Variants in SPTBN2 observed in about 807,000 individuals in gnomAD.
The protein encoded by SPTBN2 is spectrin beta chain, non-erythrocytic 2.
A neutral mutation model predicts 284.2 loss-of-function variants in SPTBN2; 107 were observed. The observed-to-expected ratio is 0.38, with a 90% CI of 0.32 to 0.44. The LOEUF (loss-of-function observed/expected upper bound fraction) is 0.44, where lower values mean the gene tolerates loss of function less well. Ranked by LOEUF, SPTBN2 falls within the 20% of genes least tolerant of loss-of-function variation. The pLI, the probability that SPTBN2 is intolerant of heterozygous loss-of-function variation, is 1.00. For synonymous variants in SPTBN2, 1,289 were observed against 1,354.8 expected (o/e 0.95, Z 1.07); for missense variants, 2,569 against 3,287.1 (o/e 0.78, Z 5.34).
At chr11:66,686,219 A>G (rs1940098654) in intron 37 of SPTBN2, 115 bp from the exon 38 acceptor site, 3 of 1,386,408 alleles carry the variant, frequency 2.2e-6, no homozygotes, top group East Asian at 2.3e-5. Flanking sequence ...GTTTCATGCT[A>G]TTAGGAGAAT....
Position 66,707,958 on chromosome 11 carries a change from C to T in SPTBN2, c.1351-140G>A. The T allele has an allele frequency of 1.4e-6, 2 of 1,379,382 alleles. No individual in the cohort carries two copies. Among genetic ancestry groups the T allele is most frequent in the Non-Finnish European group, 2.0e-6 (2 of 1,008,474 alleles). The allele number at this position is 1,379,382 out of a possible 1,614,324, so 85.4% of individuals were successfully genotyped here. A position where few individuals can be genotyped will look rare whatever the true frequency, so the allele number is the denominator to read the frequency against. ...AGTTCCCTCTCTATCCCACCCCCAT[C>T]CTGTCTCACCAACCCTCTCTCCTGT... On this transcript the variant is annotated intron_variant, in intron 12 of 37. Coordinates refer to ENST00000533211, the MANE Select transcript of SPTBN2 (RefSeq NM_006946.4). This position sits in a 1 kb window ranked among gnomAD's most constrained non-coding sequence, Gnocchi z 4.9.
intron 36 of SPTBN2, chr11:66,686,664 C>T: frequency 1.6e-6 from 1 of 641,636 alleles, no homozygotes; most frequent in Non-Finnish European, 2.7e-6. Flanking sequence ...TCCACCCCAG[C>T]CCGGGCCTCC....
At chr11:66,721,005 T>G (rs191816366) in intron 3 of SPTBN2, 79 bp downstream of exon 3, 3 of 1,591,596 alleles carry the variant, frequency 1.9e-6, no homozygotes, top group Non-Finnish European at 2.6e-6. Flanking sequence ...AGTCTTCCCA[T>G]AAAGTTAAAG....
chr11:66,742,581 C>A (rs1942903008), intron 1 of SPTBN2, among the ~76,000 whole-genome samples: 1 of 151,968 alleles, frequency 6.6e-6, no homozygotes, highest in Non-Finnish European at 1.5e-5. Flanking sequence ...CAAGGTGGAG[C>A]ATTTTCTGCT....
Position 66,691,734 on chromosome 11 carries a change from C to A in SPTBN2, c.5191-76G>T. 3 of 1,600,730 alleles carry A rather than the reference C, an allele frequency of 1.9e-6. No individual in the cohort carries two copies. Among genetic ancestry groups the A allele is most frequent in the Non-Finnish European group, 2.6e-6 (3 of 1,176,414 alleles). ...GTCCCTGCCTGATGGAGCGAGTCCT[C>A]CACTCCAAACTCAGAACCCACCTCT... is the stretch of plus-strand genomic sequence containing the variant. On this transcript the variant is annotated intron_variant, in intron 26 of 37. Transcript: ENST00000533211. The surrounding 1 kb of genome is among the most constrained non-coding windows in gnomAD (Gnocchi z 8.0).
At chr11:66,737,681 G>C (rs1281300122) in intron 1 of SPTBN2, among the ~76,000 whole-genome samples, 1 of 152,194 alleles carries the variant, frequency 6.6e-6, no homozygotes, top group African/African-American at 2.4e-5. Flanking sequence ...AACTTGTTAT[G>C]ACTGTTAGAA....
chr11:66,730,287 G>A (rs1942785947), upstream of SPTBN2, among the ~76,000 whole-genome samples: 1 of 151,934 alleles, frequency 6.6e-6, no homozygotes, highest in South Asian at 2.1e-4. Flanking sequence ...GATGGGATGA[G>A]AATCAGCTGC....
Position 66,700,748 on chromosome 11 carries a change from G to A in SPTBN2, c.3351C>T (p.Ala1117=). 6.2e-7 allele frequency: 1 copy of A among 1,602,802 alleles called. No homozygotes were observed. Among genetic ancestry groups the A allele is most frequent in the South Asian group, 1.1e-5 (1 of 91,050 alleles). The part of the protein sequence containing the change: ...HAALRGEVER[A]QSEYSRLRAL... ...CTCGCAGCCGGCTATACTCGCTCTG[G>A]GCCCGCTCCACCTCTCCCCGCAGGG... Residue 1117 remains alanine, a synonymous_variant, in exon 17 of 38, where the codon GCC becomes GCT. Transcript: ENST00000533211. The surrounding 1 kb of genome is among the most constrained non-coding windows in gnomAD (Gnocchi z 6.6).
intron 15 of SPTBN2, among the ~76,000 whole-genome samples, chr11:66,703,972 C>CTTTTTTTTTTTT (rs11286358): frequency 1.8e-5 from 2 of 109,726 alleles, no homozygotes; most frequent in African/African-American, 6.4e-5. Flanking sequence ...TATTTCTTTT[C>CTTTTTTTTTTTT]TTTTTTTTTT....
At chr11:66,713,995 G>T in intron 7 of SPTBN2, 96 bp downstream of exon 7, 1 of 1,290,314 alleles carries the variant, frequency 7.8e-7, no homozygotes, top group Non-Finnish European at 1.1e-6. Context: ...CCGTCTGACT[G>T]CTGTGCAGCT....
At chr11:66,713,975 G>A (rs1217882429) in intron 7 of SPTBN2, 116 bp downstream of exon 7, 1 of 1,129,670 alleles carries the variant, frequency 8.9e-7, no homozygotes, top group Non-Finnish European at 1.3e-6. Flanking sequence ...TGCTCCGAGT[G>A]CTATTCCTTC....
In SPTBN2 at chr11:66,710,297, C is replaced by T. The variant is rs1001992139; in HGVS notation, c.1073+285G>A. 6.6e-6 allele frequency among the ~76,000 whole-genome samples: 1 copy of T among 152,066 alleles called. No individual in the cohort carries two copies. The highest frequency in any genetic ancestry group is 2.1e-4 in the South Asian group (1 of 4,820). ...CGACCTCAGTAGAGATGGGGTTTCA[C>T]CATGTTGGCCAGACTGGTCTCGGTG... On this transcript the variant is annotated intron_variant, in intron 10 of 37. Coordinates refer to ENST00000533211, the MANE Select transcript of SPTBN2 (RefSeq NM_006946.4). The surrounding 1 kb of genome is among the most constrained non-coding windows in gnomAD (Gnocchi z 4.9).
chr11:66,716,335 T>C (rs1009529499), intron 3 of SPTBN2, among the ~76,000 whole-genome samples: 2 of 151,916 alleles, frequency 1.3e-5, no homozygotes, highest in East Asian at 1.9e-4. Flanking sequence ...TACAAAAAAT[T>C]AGCCGGGCAT....
chr11:66,700,920 G>A lies in SPTBN2; in HGVS notation c.3179C>T (p.Ser1060Leu), dbSNP rs747218157. 1.7e-5 allele frequency: 27 copies of A among 1,602,012 alleles called. No homozygotes were observed. Among genetic ancestry groups the A allele is most frequent in the East Asian group, 2.2e-5 (1 of 44,870 alleles). The change falls in exon 17 of 38, where the codon TCG becomes TTG. Residue 1060 changes from serine (S) to leucine (L), a missense_variant. Around this residue, in one of 6 missense-constraint regions of SPTBN2, gnomAD observed 1,012 missense variants for 1,248.9 expected, o/e 0.81. Transcript: ENST00000533211. This position sits in a 1 kb window ranked among gnomAD's most constrained non-coding sequence, Gnocchi z 6.6. The stretch of plus-strand genomic sequence containing the variant: ...CTGCAGCCGCCGCGCCTCCCCCAGC[G>A]ACTCTTCTCGACGCCGCATGGTGGC... ...LRATMRRREE[S>L]LGEARRLQDF...
At position 66,705,206 on chromosome 11, in the gene SPTBN2, C is replaced by T. The variant is rs754490147; in HGVS notation, c.2070G>A (p.Met690Ile). 3.9e-6 allele frequency: 6 copies of T among 1,539,828 alleles called. No individual in the cohort carries two copies. The highest frequency in any genetic ancestry group is 2.4e-5 in the South Asian group (2 of 84,964). The change falls in exon 15 of 38, where the codon ATG (methionine) becomes ATA (isoleucine). Residue 690 changes from methionine to isoleucine, a missense_variant. Met to Ile is a conservative substitution (Grantham distance 10). This residue lies in a region of SPTBN2 where 1,012 missense variants were observed against 1,248.9 expected (regional missense o/e 0.81). Transcript: ENST00000533211. Reference protein sequence around the residue: ...LNKHTALRGEMSGRLGPLKLT... With the variant: ...LNKHTALRGEISGRLGPLKLT... Reference sequence around the variant, plus strand: ...GCTTCAGGGGCCCCAGCCGGCCGCTCATCTCGCCCCGCAGGGCTGTGTGCT... The same window carrying T: ...GCTTCAGGGGCCCCAGCCGGCCGCTTATCTCGCCCCGCAGGGCTGTGTGCT...
chr11:66,699,368 C>T (rs1323909032), intron 18 of SPTBN2, 38 bp downstream of exon 18: 1 of 1,608,518 alleles, frequency 6.2e-7, no homozygotes, highest in Non-Finnish European at 8.5e-7. Flanking sequence ...TCCGATTCCC[C>T]CCTGGGAACC....
intron 15 of SPTBN2, among the ~76,000 whole-genome samples, chr11:66,703,107 G>T (rs1590942205): frequency 6.6e-6 from 1 of 151,594 alleles, no homozygotes; most frequent in East Asian, 2.0e-4. Context: ...TTGAGACAGG[G>T]TCTTACTCTG....
At position 66,701,270 on chromosome 11, in the gene SPTBN2, A is replaced by C. The variant is rs1470751821; in HGVS notation, c.2829T>G (p.Phe943Leu). ...CCTTCTTGCCGTCTGCCAGACGCCG[A>C]AACTGCTGCCACCTGAGAGCAGGGG... is the stretch of plus-strand genomic sequence containing the variant. Reference protein sequence around the residue: ...QEQLNHRWQQFRRLADGKKAA... With the variant: ...QEQLNHRWQQLRRLADGKKAA... The change falls in exon 17 of 38, where the codon TTT becomes TTG. Residue 943 changes from phenylalanine to leucine, a missense_variant. By Grantham distance (22) the Phe-to-Leu change is conservative. Coordinates refer to ENST00000533211, the MANE Select transcript of SPTBN2 (RefSeq NM_006946.4). The C allele has an allele frequency of 1.2e-6, 2 of 1,612,404 alleles. No homozygotes were observed. Among genetic ancestry groups the C allele is most frequent in the East Asian group, 2.2e-5 (1 of 44,852 alleles).
rs1942396122 is a variant in SPTBN2 at position 66,721,380 on chromosome 11, T to C, written c.-53A>G. 1.7e-6 allele frequency: 2 copies of C among 1,183,266 alleles called. No homozygotes were observed. The highest frequency in any genetic ancestry group is 2.5e-5 in the South Asian group (2 of 80,728). 73.3% of individuals were successfully genotyped at this position (1,183,266 alleles called of 1,614,324 possible). A position where few individuals can be genotyped will look rare whatever the true frequency, so the allele number is the denominator to read the frequency against. On this transcript the variant is annotated 5_prime_UTR_variant, in exon 2 of 38. Coordinates refer to ENST00000533211, the MANE Select transcript of SPTBN2 (RefSeq NM_006946.4). Reference sequence around the variant, plus strand: ...CTCCGCTCTCCTTGTGGCCAGAGGCTGCGGTTGGCTGCTCAGTGGAAATCA... The same window carrying C: ...CTCCGCTCTCCTTGTGGCCAGAGGCCGCGGTTGGCTGCTCAGTGGAAATCA...
Sources: allele counts gnomAD v4.1 joint callset (sites outside exome capture counted in the v4.1 genomes callset), GRCh38; gene constraint gnomAD v4.1.1; regional missense constraint gnomAD v4.1.1; non-coding constraint Gnocchi (gnomAD v3.1); transcripts MANE v1.5; gene names NCBI Gene and HGNC (gene_info 2026-07-23, HGNC 2026-07-21).